The following MYL2 variants were observed in gnomAD, a reference collection of about 807,000 sequenced individuals.
MYL2 encodes myosin light chain 2, also known as myosin regulatory light chain 2, ventricular/cardiac muscle isoform.
MYL2 carries 19 observed loss-of-function variants against 23.0 expected under a neutral mutation model. That is an observed-to-expected ratio of 0.83 (90% CI 0.58 to 1.21). MYL2 has a LOEUF of 1.21. Among genes scored for constraint, MYL2 ranks in the 50% most tolerant of loss-of-function variants. MYL2 has a pLI of 0.00. For synonymous variants in MYL2, 78 were observed against 76.2 expected, an observed-to-expected ratio of 1.02 and a Z score of -0.13; for missense variants, 180 against 215.1, an observed-to-expected ratio of 0.84 and a Z score of 1.02.
chr12:110,914,649 G>A (rs1240916987), intron 3 of MYL2, among the ~76,000 whole-genome samples: 1 of 152,148 alleles, frequency 6.6e-6, no homozygotes, highest in East Asian at 1.9e-4. Context: ...CTCCCAAGTA[G>A]CTGGGATTGC....
Position 110,914,203 on chromosome 12 carries a change from A to G in MYL2, c.257T>C (p.Phe86Ser), listed in dbSNP as rs730880950. 16 of 1,613,448 alleles carry G rather than the reference A, an allele frequency of 9.9e-6. No individual in the cohort carries two copies. The highest frequency in any genetic ancestry group is 1.7e-5 in the Admixed American group (1 of 59,982). The change falls in exon 4 of 7, where the codon TTT becomes TCT. Residue 86 changes from phenylalanine (F) to serine (S), a missense_variant. Coordinates refer to ENST00000228841, the MANE Select transcript of MYL2 (RefSeq NM_000432.4). Reference sequence around the variant, plus strand: ...GACCTTACCCTTAAGTTTCTCCCCAAACATTGTGAGGAACACAGTAAAGTT... The same window carrying G: ...GACCTTACCCTTAAGTTTCTCCCCAGACATTGTGAGGAACACAGTAAAGTT... ...PINFTVFLTM[F>S]GEKLKGADPE...
chr12:110,913,321 G>T lies in MYL2; in HGVS notation c.278C>A (p.Ala93Glu), dbSNP rs774193307. 1.9e-6 allele frequency: 3 copies of T among 1,614,050 alleles called. No homozygotes were observed. The highest frequency in any genetic ancestry group is 2.5e-6 in the Non-Finnish European group (3 of 1,180,022). The change falls in exon 5 of 7, where the codon GCG becomes GAG. Residue 93 changes from alanine to glutamate, a missense_variant. Physicochemically the swap from Ala to Glu is moderately radical, Grantham distance 107. Coordinates refer to ENST00000228841, the MANE Select transcript of MYL2 (RefSeq NM_000432.4). The part of the protein sequence containing the change: ...LTMFGEKLKG[A>E]DPEETILNAF... ...GTTGAGAATGGTTTCCTCAGGGTCC[G>T]CTCCTGAAACGGAACACAGGGCTTA...
In MYL2 at chr12:110,915,683, A is replaced by G. The variant is rs1335030258; in HGVS notation, c.169+32T>C. The G allele has an allele frequency of 3.1e-6, 5 of 1,600,692 alleles. No homozygotes were observed. In the African/African-American group the frequency reaches 5.4e-5, roughly 17 times the overall value. The stretch of plus-strand genomic sequence containing the variant: ...CTCCTCATGGATGTGAGATAAAGAG[A>G]CCCTCATGCAGGGCTAGAGAGGGTG... On this transcript the variant is annotated intron_variant, in intron 3 of 6. Transcript: ENST00000228841.
In MYL2 at chr12:110,918,844, T is replaced by C. The variant is rs1472820183; in HGVS notation, c.93+260A>G. On this transcript the variant is annotated intron_variant, in intron 2 of 6. Transcript: ENST00000228841. The surrounding 1 kb of genome is among the most constrained non-coding windows in gnomAD (Gnocchi z 4.4). Reference sequence around the variant, plus strand: ...CTCTGGGTAATAGAATTGTAGGTAGTTTTTATTTCCTTTTCTGTGCTTTTC... The same window carrying C: ...CTCTGGGTAATAGAATTGTAGGTAGCTTTTATTTCCTTTTCTGTGCTTTTC... The C allele has an allele frequency of 2.0e-6, 1 of 490,254 alleles. No homozygotes were observed. The highest frequency in any genetic ancestry group is 3.7e-6 in the Non-Finnish European group (1 of 272,404). 30.4% of individuals were successfully genotyped at this position (490,254 alleles called of 1,614,324 possible).
intron 3 of MYL2, among the ~76,000 whole-genome samples, chr12:110,914,740 GA>G (rs544559800): frequency 2.4e-4 from 37 of 152,234 alleles, no homozygotes; most frequent in African/African-American, 8.4e-4. Flanking sequence ...GGCAGGTCTC[GA>G]AGTCCTGGGT....
At chr12:110,914,145 G>C in intron 4 of MYL2, 41 bp downstream of exon 4, 1 of 1,414,206 alleles carries the variant, frequency 7.1e-7, no homozygotes, top group Non-Finnish European at 1.0e-6. Context: ...AAGAAACATA[G>C]ACACATACAC....
At chr12:110,917,907 G>C (rs1315260685) in intron 2 of MYL2, among the ~76,000 whole-genome samples, 1 of 152,152 alleles carries the variant, frequency 6.6e-6, no homozygotes, top group African/African-American at 2.4e-5. Flanking sequence ...AACACAGGGG[G>C]ACTCAATCTT....
At chr12:110,914,471 C>A in intron 3 of MYL2, 181 bp from the exon 4 acceptor site, 378 of 578,514 alleles carry the variant, frequency 6.5e-4, no homozygotes, top group East Asian at 1.1e-3. Context: ...TTATAATAAC[C>A]AAATGACTGG....
intron 5 of MYL2, 23 bp from the exon 6 acceptor site, chr12:110,913,167 G>C (rs1010148604): frequency 1.2e-6 from 2 of 1,614,096 alleles, no homozygotes; most frequent in Non-Finnish European, 1.7e-6. Flanking sequence ...GAAAGCAGGT[G>C]TTGGTGTCAG....
Sources: gnomAD v4.1 joint callset for allele counts (sites outside exome capture counted in the v4.1 genomes callset) on GRCh38, gnomAD v4.1.1 for gene constraint, Gnocchi (gnomAD v3.1) non-coding constraint, MANE v1.5 for transcripts, NCBI Gene and HGNC (gene_info 2026-07-23, HGNC 2026-07-21) for gene names.